The following DCAF6 variants were observed in gnomAD, a reference collection of about 807,000 sequenced individuals.
The protein encoded by DCAF6 is DDB1 and CUL4 associated factor 6.
In DCAF6, 54 loss-of-function variants were observed where a neutral mutation model predicts 125.1. The ratio of observed to expected loss-of-function variants is 0.43; its 90% CI spans 0.35 to 0.54. DCAF6 has a LOEUF of 0.54. DCAF6 is among the 20% of genes least tolerant of loss of function. The pLI, the probability that DCAF6 is intolerant of heterozygous loss-of-function variation, is 0.01. For missense variants in DCAF6, 934 were observed against 1,161.7 expected (o/e 0.80, Z 2.85); for synonymous variants, 371 against 390.4 (o/e 0.95, Z 0.58).
chr1:167,970,418 G>A (rs1677130892), intron 3 of DCAF6, among the ~76,000 whole-genome samples: 1 of 152,270 alleles, frequency 6.6e-6, no homozygotes, highest in Non-Finnish European at 1.5e-5. Context: ...TGGGAGGCCC[G>A]AGGTGGGAAG....
intron 1 of DCAF6, among the ~76,000 whole-genome samples, chr1:167,941,034 A>G (rs1197170993): frequency 6.6e-6 from 1 of 152,078 alleles, no homozygotes; most frequent in East Asian, 1.9e-4. Context: ...ATACATCTGC[A>G]TTCTAGATTA....
intron 12 of DCAF6, among the ~76,000 whole-genome samples, chr1:168,024,804 C>CAAAA (rs76178208): frequency 1.3e-5 from 1 of 74,932 alleles, no homozygotes. Context: ...ACTCTGTATC[C>CAAAA]AAAAAAAAAA....
chr1:167,885,624 C>CT, the DCAF6 span, among the ~76,000 whole-genome samples: 224 of 149,842 alleles, frequency 1.5e-3, 2 homozygotes, highest in South Asian at 0.024. Context: ...CTATTTCGAT[C>CT]TTTTTTTTTT....
In DCAF6 at chr1:167,993,221, T is replaced by C. The variant is rs762153897; in HGVS notation, c.689-5T>C. On this transcript the variant is annotated splice_polypyrimidine_tract_variant and splice_region_variant and intron_variant, in intron 6 of 21. Coordinates refer to ENST00000367840, the MANE Select transcript of DCAF6 (RefSeq NM_001198956.2). ...ATTTTAAATAACTTCTTGTTTCTTT[T>C]TTAGGGAATTATGCAGGTCGAGGGA... is the stretch of plus-strand genomic sequence containing the variant. The C allele has an allele frequency of 9.0e-5, 144 of 1,595,376 alleles. No homozygotes were observed. Among genetic ancestry groups the C allele is most frequent in the Non-Finnish European group, 1.1e-4 (128 of 1,174,402 alleles).
the DCAF6 span, chr1:167,870,383 A>G: frequency 2.5e-6 from 4 of 1,611,846 alleles, no homozygotes; most frequent in South Asian, 4.4e-5. Context: ...CATAGTATAC[A>G]TGAAGTAGTT....
intron 6 of DCAF6, 124 bp downstream of exon 6, chr1:167,991,463 G>A: frequency 1.1e-6 from 1 of 903,698 alleles, no homozygotes; most frequent in South Asian, 2.7e-5. Context: ...TGTTTAATAT[G>A]GATTATTATA....
At chr1:167,952,914 T>C (rs1438772029) in intron 2 of DCAF6, among the ~76,000 whole-genome samples, 1 of 152,236 alleles carries the variant, frequency 6.6e-6, no homozygotes, top group Non-Finnish European at 1.5e-5. Flanking sequence ...CTAGACTTAG[T>C]AATTATCAAG....
intron 11 of DCAF6, 106 bp from the exon 12 acceptor site, chr1:168,022,882 A>C: frequency 9.9e-7 from 1 of 1,012,148 alleles, no homozygotes; most frequent in Non-Finnish European, 1.5e-6. Flanking sequence ...ACTTACTTCT[A>C]TTCCGCAGCC....
chr1:167,935,880 G>C (rs1225573193), upstream of DCAF6: 16 of 1,468,478 alleles, frequency 1.1e-5, no homozygotes, highest in Admixed American at 5.9e-5. Flanking sequence ...TGGGAGCGTG[G>C]CTGTGTTCTC....
At chr1:168,050,438 G>A (rs1450590404) in intron 16 of DCAF6, among the ~76,000 whole-genome samples, 5 of 152,144 alleles carry the variant, frequency 3.3e-5, no homozygotes, top group Admixed American at 6.6e-5. Context: ...GGACTCCTAG[G>A]GAGTTAAAAG....
chr1:167,948,324 G>C (rs985038999), intron 1 of DCAF6, among the ~76,000 whole-genome samples: 1 of 143,400 alleles, frequency 7.0e-6, no homozygotes, highest in African/African-American at 3.0e-5. Context: ...GCAGTCATCT[G>C]TCCTGTGCCA....
chr1:167,911,376 C>A, the DCAF6 span, among the ~76,000 whole-genome samples: 3 of 152,192 alleles, frequency 2.0e-5, no homozygotes, highest in Non-Finnish European at 4.4e-5. Flanking sequence ...TTCTTGGCTC[C>A]CACAATGTAG....
At chr1:167,949,564 C>A (rs1673606525) in intron 1 of DCAF6, among the ~76,000 whole-genome samples, 1 of 152,176 alleles carries the variant, frequency 6.6e-6, no homozygotes, top group Non-Finnish European at 1.5e-5. Context: ...CAGCATCTAT[C>A]CAGGCATCTT....
At chr1:167,945,638 C>T (rs764239851) in intron 1 of DCAF6, among the ~76,000 whole-genome samples, 22 of 151,948 alleles carry the variant, frequency 1.4e-4, no homozygotes, top group Admixed American at 5.2e-4. Context: ...ACTACAAGTG[C>T]GCACCACTAT....
chr1:168,074,203 C>G (rs115469907), intron 21 of DCAF6, among the ~76,000 whole-genome samples: 1,701 of 152,044 alleles, frequency 0.011, 29 homozygotes, highest in African/African-American at 0.037. Context: ...CTTCAGTGTA[C>G]TGTTCTTGGT....
chr1:167,923,673 G>T, the DCAF6 span, among the ~76,000 whole-genome samples: 1 of 151,498 alleles, frequency 6.6e-6, no homozygotes, highest in Non-Finnish European at 1.5e-5. Context: ...GGTTCAGATA[G>T]TAAGTTTTAT....
chr1:167,889,535 C>CT, the DCAF6 span, among the ~76,000 whole-genome samples: 2 of 152,046 alleles, frequency 1.3e-5, no homozygotes, highest in Non-Finnish European at 2.9e-5. Context: ...CTGTAGCTTT[C>CT]TTTTTTTGAT....
chr1:168,066,281 GGTTA>G (rs1178369727), intron 19 of DCAF6, 92 bp from the exon 20 acceptor site: 2 of 654,868 alleles, frequency 3.1e-6, no homozygotes, highest in African/African-American at 1.9e-5. Context: ...TGCTGTTCAA[GGTTA>G]GTTTTGCTAT....
chr1:167,886,861 C>A, the DCAF6 span, among the ~76,000 whole-genome samples: 1 of 152,144 alleles, frequency 6.6e-6, no homozygotes, highest in Non-Finnish European at 1.5e-5. Flanking sequence ...AAAAATCAAA[C>A]AACCCCATCA....
Sources: gnomAD v4.1 joint callset for allele counts (sites outside exome capture counted in the v4.1 genomes callset) on GRCh38, gnomAD v4.1.1 for gene constraint, MANE v1.5 for transcripts, NCBI Gene and HGNC (gene_info 2026-07-23, HGNC 2026-07-21) for gene names.